Variants in SMAD6 observed in about 807,000 individuals in gnomAD.
SMAD6 encodes MAD homolog 6.
Under a neutral mutation model 39.4 loss-of-function variants are expected in SMAD6, and 103 were observed. The ratio of observed to expected loss-of-function variants is 2.62; its 90% CI spans 2.23 to 3.08. The LOEUF is 3.08. Ranked by LOEUF, SMAD6 falls within the 30% of genes most tolerant of loss-of-function variation. SMAD6 has a pLI of 0.00. For missense variants in SMAD6, 1,104 were observed against 742.9 expected, an observed-to-expected ratio of 1.49 and a Z score of -5.65; for synonymous variants, 445 against 353.3, an observed-to-expected ratio of 1.26 and a Z score of -2.91.
chr15:66,735,684 C>T (rs1185917825), intron 3 of SMAD6, among the ~76,000 whole-genome samples: 1 of 152,100 alleles, frequency 6.6e-6, no homozygotes, highest in Non-Finnish European at 1.5e-5. Context: ...TCCCTGGGGA[C>T]GTGGAGAGGG....
At chr15:66,751,352 A>C (rs1239586569) in intron 3 of SMAD6, among the ~76,000 whole-genome samples, 5 of 152,176 alleles carry the variant, frequency 3.3e-5, no homozygotes, top group Middle Eastern at 3.2e-3. Context: ...GTGAGCCTTG[A>C]ATGGTAGTCC....
In SMAD6 at chr15:66,703,972, C is replaced by G. The variant is rs746993602; in HGVS notation, c.714C>G (p.Ala238=). 8 of 1,458,782 alleles carry G rather than the reference C, an allele frequency of 5.5e-6. No individual in the cohort carries two copies. Among genetic ancestry groups the G allele is most frequent in the South Asian group, 1.3e-5 (1 of 76,294 alleles). 90.4% of individuals were successfully genotyped at this position (1,458,782 alleles called of 1,614,324 possible). A position where few individuals can be genotyped will look rare whatever the true frequency, so the allele number is the denominator to read the frequency against. ...TTCGCTGGCCCGACCTGCAGCACGC[C>G]GTGGAGCTGAAGCCCCTGTGCGGCT... is the stretch of plus-strand genomic sequence containing the variant. ...RLFRWPDLQH[A]VELKPLCGCH... Residue 238 remains alanine (A), a synonymous_variant, in exon 1 of 4, where the codon GCC becomes GCG. Transcript: ENST00000288840.
intron 3 of SMAD6, among the ~76,000 whole-genome samples, chr15:66,753,832 C>T (rs1019806215): frequency 3.3e-5 from 5 of 152,216 alleles, no homozygotes; most frequent in Admixed American, 6.5e-5. Flanking sequence ...CAGGACTCCT[C>T]GGTCCTGGCT....
intron 1 of SMAD6, among the ~76,000 whole-genome samples, chr15:66,710,593 GTTA>G (rs1893208486): frequency 2.0e-5 from 3 of 152,048 alleles, no homozygotes; most frequent in African/African-American, 7.3e-5. Flanking sequence ...CTTAATAATA[GTTA>G]TTACCACTGA....
intron 3 of SMAD6, among the ~76,000 whole-genome samples, chr15:66,728,293 T>C (rs79516997): frequency 0.019 from 2,902 of 152,364 alleles, 93 homozygotes; most frequent in African/African-American, 0.066. Flanking sequence ...AACCCCATCG[T>C]GTAGTTTTCT....
intron 3 of SMAD6, among the ~76,000 whole-genome samples, chr15:66,759,222 T>C (rs1894156276): frequency 2.0e-5 from 3 of 152,242 alleles, no homozygotes; most frequent in Non-Finnish European, 4.4e-5. Flanking sequence ...ACAACATGTC[T>C]TTGAAATACC....
intron 3 of SMAD6, among the ~76,000 whole-genome samples, chr15:66,748,367 G>A (rs1327960967): frequency 6.6e-6 from 1 of 152,134 alleles, no homozygotes; most frequent in African/African-American, 2.4e-5. Context: ...TGTATAGTCC[G>A]GGATTATTAA....
intron 3 of SMAD6, among the ~76,000 whole-genome samples, chr15:66,739,245 C>G (rs1433003982): frequency 6.6e-6 from 1 of 152,200 alleles, no homozygotes; most frequent in African/African-American, 2.4e-5. Flanking sequence ...CACCTGCCAT[C>G]ACGCCTGGCT....
chr15:66,710,290 A>G (rs1340206012), intron 1 of SMAD6, among the ~76,000 whole-genome samples: 1 of 152,220 alleles, frequency 6.6e-6, no homozygotes, highest in African/African-American at 2.4e-5. Context: ...ATTGAAAGTG[A>G]TTGGCATGGA....
intron 3 of SMAD6, among the ~76,000 whole-genome samples, chr15:66,735,182 A>C (rs2140629336): frequency 6.6e-6 from 1 of 152,304 alleles, no homozygotes; most frequent in African/African-American, 2.4e-5. Flanking sequence ...ACCTGAGGTG[A>C]CCATGGCCTG....
chr15:66,716,542 C>A, intron 3 of SMAD6, 44 bp downstream of exon 3: 3 of 1,405,488 alleles, frequency 2.1e-6, no homozygotes, highest in Non-Finnish European at 3.0e-6. Context: ...TGAAATTTAT[C>A]GAAGGGGACA....
At position 66,703,712 on chromosome 15, in the gene SMAD6, C is replaced by CCGGCGGG. The variant is rs958818801; in HGVS notation, c.465_471dup (p.Ser158ArgfsTer147). ...CCCCCTGGCCGGGGCGGCCCTGGAG[C>CCGGCGGG]CGGCGGGCGGCGGGCGGAGTCGCGA... On this transcript the variant is annotated frameshift_variant, in exon 1 of 4. Transcript: ENST00000288840. LOFTEE classifies it high-confidence loss of function. 26 of 1,346,944 alleles carry CCGGCGGG rather than the reference C, an allele frequency of 1.9e-5. No homozygotes were observed. The highest frequency in any genetic ancestry group is 2.3e-5 in the Non-Finnish European group (24 of 1,035,898). 83.4% of individuals were successfully genotyped at this position (1,346,944 alleles called of 1,614,324 possible).
intron 3 of SMAD6, among the ~76,000 whole-genome samples, chr15:66,754,134 G>A (rs566892720): frequency 3.0e-4 from 45 of 152,282 alleles, no homozygotes; most frequent in African/African-American, 8.7e-4. Context: ...TCATTCCTCC[G>A]GTCTCTCCAC....
intron 3 of SMAD6, among the ~76,000 whole-genome samples, chr15:66,721,655 A>G (rs1893434363): frequency 6.6e-6 from 1 of 152,138 alleles, no homozygotes; most frequent in Non-Finnish European, 1.5e-5. Context: ...CCTAGTGGTG[A>G]GGGTTAAATG....
chr15:66,731,418 A>G (rs1190218679), intron 3 of SMAD6, among the ~76,000 whole-genome samples: 1 of 143,318 alleles, frequency 7.0e-6, no homozygotes, highest in Non-Finnish European at 1.5e-5. Context: ...AGCCTGGGCA[A>G]CAGAGCGAGA....
rs540335674 is a variant in SMAD6, at chr15:66,709,808, C to T, written c.818-1860C>T. Among the ~76,000 whole-genome samples the T allele has an allele frequency of 3.3e-5, 5 of 152,346 alleles. No individual in the cohort carries two copies. In the East Asian group the frequency reaches 9.6e-4, roughly 29 times the overall value. Reference sequence around the variant, plus strand: ...CAGTGGAAACACTGGCCTCAATTCTCTTTTCCTGTGGAACTCCAGCCCTTC... The same window carrying T: ...CAGTGGAAACACTGGCCTCAATTCTTTTTTCCTGTGGAACTCCAGCCCTTC... On this transcript the variant is annotated intron_variant, in intron 1 of 3. Coordinates refer to ENST00000288840, the MANE Select transcript of SMAD6 (RefSeq NM_005585.5).
chr15:66,781,459 G>C lies in SMAD6; in HGVS notation c.1415G>C (p.Trp472Ser). The C allele has an allele frequency of 1.2e-6, 2 of 1,603,804 alleles. No individual in the cohort carries two copies. The highest frequency in any genetic ancestry group is 1.7e-6 in the Non-Finnish European group (2 of 1,177,522). ...GTCCGCATCAGCTTCGCCAAGGGCTGGGGGCCCTGCTACTCCCGGCAGTTC... is the reference window on the plus strand; with the variant it reads ...GTCCGCATCAGCTTCGCCAAGGGCTCGGGGCCCTGCTACTCCCGGCAGTTC... The part of the protein sequence containing the change: ...NSVRISFAKG[W>S]GPCYSRQFIT... The change falls in exon 4 of 4, where the codon TGG becomes TCG. Residue 472 changes from tryptophan (W) to serine (S), a missense_variant. Coordinates refer to ENST00000288840, the MANE Select transcript of SMAD6 (RefSeq NM_005585.5).
At chr15:66,741,802 G>T (rs531287574) in intron 3 of SMAD6, among the ~76,000 whole-genome samples, 2 of 152,296 alleles carry the variant, frequency 1.3e-5, no homozygotes, top group East Asian at 3.9e-4. Context: ...CAAATGCCCC[G>T]AGAGATTCCA....
Position 66,780,994 on chromosome 15 carries a change from C to A in SMAD6, c.953-3C>A. 1 of 1,561,068 alleles carries A rather than the reference C, an allele frequency of 6.4e-7. No individual in the cohort carries two copies. ...CGCGGCGGTCCCTGTGCTTGTCCCG[C>A]AGACGCCAGCATGTCTCCGGACGCC... On this transcript the variant is annotated splice_polypyrimidine_tract_variant and splice_region_variant and intron_variant, in intron 3 of 3. Coordinates refer to ENST00000288840, the MANE Select transcript of SMAD6 (RefSeq NM_005585.5).
Sources: gnomAD v4.1 joint callset for allele counts (sites outside exome capture counted in the v4.1 genomes callset) on GRCh38, gnomAD v4.1.1 for gene constraint, MANE v1.5 for transcripts, NCBI Gene and HGNC (gene_info 2026-07-23, HGNC 2026-07-21) for gene names.